The following ECHDC1 variants were observed in gnomAD, a reference collection of about 807,000 sequenced individuals.
ECHDC1 encodes the protein ethylmalonyl-CoA decarboxylase.
ECHDC1 carries 29 observed loss-of-function variants against 29.7 expected under a neutral mutation model. The observed-to-expected ratio is 0.98, with a 90% CI of 0.73 to 1.33. The LOEUF is 1.33. ECHDC1 is among the 40% of genes most tolerant of loss of function. The pLI is 0.00. For missense variants in ECHDC1, 328 were observed against 350.0 expected, an observed-to-expected ratio of 0.94 and a Z score of 0.50; for synonymous variants, 126 against 123.1, an observed-to-expected ratio of 1.02 and a Z score of -0.15.
chr6:127,321,092 T>A (rs1303025309), intron 3 of ECHDC1, among the ~76,000 whole-genome samples: 1 of 152,138 alleles, frequency 6.6e-6, no homozygotes, highest in African/African-American at 2.4e-5. Flanking sequence ...ATTTTTATGA[T>A]AAAAAAGCCA....
intron 5 of ECHDC1, 43 bp from the exon 6 acceptor site, chr6:127,290,320 A>G: frequency 1.9e-6 from 3 of 1,568,014 alleles, no homozygotes; most frequent in Admixed American, 1.8e-5. Context: ...CTCTCTCTGT[A>G]TGCTCTAATC....
At chr6:127,304,095 A>G (rs1277718362) in intron 5 of ECHDC1, among the ~76,000 whole-genome samples, 1 of 152,200 alleles carries the variant, frequency 6.6e-6, no homozygotes, top group Non-Finnish European at 1.5e-5. Context: ...GGCAAGACCC[A>G]GTGCTGTGTT....
chr6:127,318,193 T>C (rs777528165), intron 3 of ECHDC1, among the ~76,000 whole-genome samples: 1 of 152,116 alleles, frequency 6.6e-6, no homozygotes, highest in Non-Finnish European at 1.5e-5. Context: ...ACACAAACTA[T>C]TTGCCATCCC....
chr6:127,328,590 T>C (rs1482324353), intron 2 of ECHDC1, among the ~76,000 whole-genome samples: 5 of 152,226 alleles, frequency 3.3e-5, no homozygotes, highest in Admixed American at 1.3e-4. Flanking sequence ...TTTCCAAGGA[T>C]GTCCTAGATC....
intron 5 of ECHDC1, among the ~76,000 whole-genome samples, chr6:127,309,903 C>T (rs1365001429): frequency 2.6e-5 from 4 of 152,106 alleles, no homozygotes; most frequent in African/African-American, 9.7e-5. Flanking sequence ...AGAACTTACG[C>T]ACTTATCATG....
rs768032480 is a variant in ECHDC1 at position 127,324,227 on chromosome 6, A to AT, written c.363+2774dup. ...GCTAAAGGAAAAGTGATGATATTGA[A>AT]TTTGATCTATCATCTTAATATTACT... On this transcript the variant is annotated intron_variant, in intron 3 of 5. Transcript: ENST00000454859. Among the ~76,000 whole-genome samples the AT allele has an allele frequency of 6.8e-4, 104 of 152,174 alleles. 1 individual carries two copies. Among genetic ancestry groups the AT allele is most frequent in the Non-Finnish European group, 1.2e-3 (82 of 68,006 alleles).
At chr6:127,327,258 T>C in intron 2 of ECHDC1, 114 bp from the exon 3 acceptor site, 2 of 1,190,488 alleles carry the variant, frequency 1.7e-6, no homozygotes, top group South Asian at 1.6e-5. Flanking sequence ...TTTATAAATA[T>C]TTACTGAGTG....
chr6:127,303,345 G>A lies in ECHDC1; in HGVS notation c.497+11471C>T, dbSNP rs768347175. Among the ~76,000 whole-genome samples, 138 of 152,264 alleles carry A rather than the reference G, an allele frequency of 9.1e-4. 2 individuals are homozygous for A. The highest frequency in any genetic ancestry group is 1.2e-3 in the South Asian group (6 of 4,816). On this transcript the variant is annotated intron_variant, in intron 5 of 5. Coordinates refer to ENST00000454859, the MANE Select transcript of ECHDC1 (RefSeq NM_001002030.2). ...TAAAAGCCAAGTTGTGAATACAACAGGAAAGTTCTTGAAGGAAATTCAAAG... is the reference window on the plus strand; with the variant it reads ...TAAAAGCCAAGTTGTGAATACAACAAGAAAGTTCTTGAAGGAAATTCAAAG...
chr6:127,299,739 G>A (rs149992981), intron 5 of ECHDC1, among the ~76,000 whole-genome samples: 10 of 152,256 alleles, frequency 6.6e-5, no homozygotes, highest in Middle Eastern at 3.4e-3. Flanking sequence ...TAAGTGTACA[G>A]TAATGTCCTA....
chr6:127,291,274 AC>A (rs1028567390), intron 5 of ECHDC1, among the ~76,000 whole-genome samples: 3 of 108,792 alleles, frequency 2.8e-5, no homozygotes, highest in Non-Finnish European at 3.7e-5. Flanking sequence ...AAGCTCTTAT[AC>A]CTTTTTTTTT....
At chr6:127,338,786 T>C (rs866143848) in intron 1 of ECHDC1, among the ~76,000 whole-genome samples, 27 of 152,280 alleles carry the variant, frequency 1.8e-4, no homozygotes, top group African/African-American at 6.5e-4. Flanking sequence ...TTATGTTACA[T>C]TGCATTTGGC....
chr6:127,318,184 C>A (rs189155491), intron 3 of ECHDC1, among the ~76,000 whole-genome samples: 33 of 152,246 alleles, frequency 2.2e-4, no homozygotes, highest in Non-Finnish European at 4.1e-4. Context: ...AATTTCACCA[C>A]ACAAACTATT....
At chr6:127,340,747 T>C (rs1370371412) in intron 1 of ECHDC1, among the ~76,000 whole-genome samples, 1 of 152,158 alleles carries the variant, frequency 6.6e-6, no homozygotes. Context: ...TAAAAGTTTT[T>C]TTTTTTTTTG....
At chr6:127,311,548 G>C (rs7449576) in intron 5 of ECHDC1, among the ~76,000 whole-genome samples, 4 of 151,066 alleles carry the variant, frequency 2.6e-5, no homozygotes, top group Admixed American at 2.0e-4. Context: ...GGTGGCAGGC[G>C]CCTGTAATCG....
chr6:127,338,861 A>G (rs1784664940), intron 1 of ECHDC1, among the ~76,000 whole-genome samples: 1 of 152,216 alleles, frequency 6.6e-6, no homozygotes, highest in Non-Finnish European at 1.5e-5. Flanking sequence ...CCTAACCAGT[A>G]CTGAAAAAGT....
rs139589837 is a variant in ECHDC1 at position 127,326,149 on chromosome 6, A to T, written c.363+853T>A. On this transcript the variant is annotated intron_variant, in intron 3 of 5. Coordinates refer to ENST00000454859, the MANE Select transcript of ECHDC1 (RefSeq NM_001002030.2). The stretch of plus-strand genomic sequence containing the variant: ...AAATTGTAATTCCCAGTGTTGAAGG[A>T]TGAAGGAGGGGCCTGGTGGAAGGTG... Among the ~76,000 whole-genome samples, 36 of 152,280 alleles carry T rather than the reference A, an allele frequency of 2.4e-4. No individual in the cohort carries two copies. In the East Asian group the frequency reaches 6.9e-3, roughly 29 times the overall value.
At chr6:127,338,980 G>A (rs1784676303) in intron 1 of ECHDC1, among the ~76,000 whole-genome samples, 1 of 151,946 alleles carries the variant, frequency 6.6e-6, no homozygotes, top group Non-Finnish European at 1.5e-5. Flanking sequence ...TACTCTCTAG[G>A]TATGTGTGCT....
chr6:127,332,242 T>G (rs777618542), intron 1 of ECHDC1, among the ~76,000 whole-genome samples: 2 of 152,184 alleles, frequency 1.3e-5, no homozygotes, highest in Non-Finnish European at 1.5e-5. Context: ...ATACTATATA[T>G]TGTGTGTCTG....
Position 127,297,971 on chromosome 6 carries a change from C to T in ECHDC1, c.498-7694G>A, listed in dbSNP as rs117669051. ...GTGAGACAAGGAGCTCGGATAACAC[C>T]TCAGACAACGAGACCATTCACCCCA... On this transcript the variant is annotated intron_variant, in intron 5 of 5. Transcript: ENST00000454859. 2.1e-3 allele frequency among the ~76,000 whole-genome samples: 326 copies of T among 152,274 alleles called. 13 individuals carry two copies. The East Asian group carries it at 0.057, about 27-fold the overall frequency.
Sources: allele counts gnomAD v4.1 joint callset (sites outside exome capture counted in the v4.1 genomes callset), GRCh38; gene constraint gnomAD v4.1.1; transcripts MANE v1.5; gene names NCBI Gene and HGNC (gene_info 2026-07-23, HGNC 2026-07-21).